The following MIA3 variants were observed in gnomAD, a reference collection of about 807,000 sequenced individuals.
MIA3 encodes the protein MIA SH3 domain ER export factor 3, also known as transport and Golgi organization protein 1 homolog.
MIA3 carries 90 observed loss-of-function variants against 192.4 expected under a neutral mutation model. The ratio of observed to expected loss-of-function variants is 0.47; its 90% CI spans 0.39 to 0.56. The LOEUF (loss-of-function observed/expected upper bound fraction) is 0.56. MIA3 is among the 20% of genes least tolerant of loss of function. The pLI is 0.00. For synonymous variants in MIA3, 740 were observed against 792.8 expected (o/e 0.93, Z 1.12); for missense variants, 2,123 against 2,269.4 (o/e 0.94, Z 1.31).
intron 19 of MIA3, 123 bp from the exon 20 acceptor site, chr1:222,659,330 T>C: frequency 1.7e-5 from 13 of 782,346 alleles, no homozygotes; most frequent in South Asian, 1.4e-4. Context: ...ATGTAAAATA[T>C]GCTTTATATT....
At chr1:222,639,097 T>C (rs1407236402) in intron 6 of MIA3, among the ~76,000 whole-genome samples, 1 of 152,170 alleles carries the variant, frequency 6.6e-6, no homozygotes, top group Non-Finnish European at 1.5e-5. Context: ...TCTTCAGATG[T>C]TAATTATAAT....
intron 7 of MIA3, chr1:222,647,925 A>G (rs1237963041): frequency 2.6e-6 from 1 of 385,232 alleles, no homozygotes; most frequent in Admixed American, 2.7e-5. Context: ...CAGTATATTA[A>G]TTATTGTATA....
chr1:222,632,794 A>T (rs1662458885), intron 5 of MIA3, among the ~76,000 whole-genome samples: 1 of 152,178 alleles, frequency 6.6e-6, no homozygotes, highest in Non-Finnish European at 1.5e-5. Context: ...ATACAATGCA[A>T]TGCAGTTCTT....
chr1:222,663,925 GT>G, intron 26 of MIA3, 72 bp from the exon 27 acceptor site: 1 of 1,421,510 alleles, frequency 7.0e-7, no homozygotes, highest in Non-Finnish European at 9.6e-7. Context: ...TTGGGTTTTA[GT>G]TTTTACTGGT....
chr1:222,662,569 T>TG, intron 26 of MIA3: 1 of 1,084,868 alleles, frequency 9.2e-7, no homozygotes, highest in Admixed American at 3.3e-5. Flanking sequence ...GGCTATAAGT[T>TG]GCATGGCAAT....
At chr1:222,644,607 G>C (rs1571887116) in intron 6 of MIA3, 3 of 1,550,388 alleles carry the variant, frequency 1.9e-6, no homozygotes, top group Non-Finnish European at 2.6e-6. Context: ...CGATTCCCGG[G>C]GAGGGACCCA....
chr1:222,648,923 A>T (rs1663280125), intron 8 of MIA3, 73 bp downstream of exon 8: 2 of 948,360 alleles, frequency 2.1e-6, no homozygotes, highest in Non-Finnish European at 3.2e-6. Context: ...TTTATATATA[A>T]GTAGTTTTAG....
In MIA3 at chr1:222,666,104, G is replaced by GTTCT. The variant is rs1164591338; in HGVS notation, c.*488_*491dup. 6.6e-6 allele frequency: 1 copy of GTTCT among 152,244 alleles called. No homozygotes were observed. Among genetic ancestry groups the GTTCT allele is most frequent in the East Asian group, 1.9e-4 (1 of 5,194 alleles). 9.4% of individuals were successfully genotyped at this position (152,244 alleles called of 1,614,324 possible). On this transcript the variant is annotated 3_prime_UTR_variant, in exon 28 of 28. Coordinates refer to ENST00000344922, the MANE Select transcript of MIA3 (RefSeq NM_198551.4). ...CTAAACTATCTCCCCTCTTGCTGAA[G>GTTCT]TTCTTTGTAGTAATAGCTCATAAAA...
chr1:222,644,560 G>A (rs1296109160), intron 6 of MIA3: 2 of 1,550,594 alleles, frequency 1.3e-6, no homozygotes, highest in Non-Finnish European at 1.7e-6. Flanking sequence ...TGTGCTCTAC[G>A]CAGCCTTCAT....
At chr1:222,643,302 C>G (rs1662945160) in intron 6 of MIA3, among the ~76,000 whole-genome samples, 1 of 152,188 alleles carries the variant, frequency 6.6e-6, no homozygotes, top group Non-Finnish European at 1.5e-5. Flanking sequence ...TGTTAACCAG[C>G]TGCCTTGCTG....
In MIA3 at chr1:222,659,755, A is replaced by G. The variant is rs1663915122; in HGVS notation, c.4828A>G (p.Arg1610Gly). Residue 1610 changes from arginine to glycine, a missense_variant, in exon 22 of 28, where the codon AGA becomes GGA. Arg to Gly is a moderately radical substitution (Grantham distance 125). Transcript: ENST00000344922. ...ATAGCTCAAAGCTCGTGCTGCAGAA[A>G]GAGCTATAGCTGAAGAGAAAAGGGA... The part of the protein sequence containing the change: ...ENWLKARAAE[R>G]AIAEEKREAA... 1 of 1,614,034 alleles carries G rather than the reference A, an allele frequency of 6.2e-7. No homozygotes were observed. Among genetic ancestry groups the G allele is most frequent in the Admixed American group, 1.7e-5 (1 of 60,004 alleles).
At chr1:222,664,915 G>T in intron 27 of MIA3, 1 of 464,946 alleles carries the variant, frequency 2.2e-6, no homozygotes, top group Non-Finnish European at 4.4e-6. Flanking sequence ...AGTGGCTCAC[G>T]CCTGTAATCC....
At chr1:222,653,719 C>T (rs1018029596) in intron 15 of MIA3, among the ~76,000 whole-genome samples, 5 of 152,118 alleles carry the variant, frequency 3.3e-5, no homozygotes, top group African/African-American at 1.2e-4. Context: ...TTTAAGAGTA[C>T]TGAGGTGGTT....
chr1:222,665,328 A>G lies in MIA3; in HGVS notation c.5433A>G (p.Pro1811=). Residue 1811 remains proline, a synonymous_variant, in exon 28 of 28, where the codon CCA becomes CCG. Coordinates refer to ENST00000344922, the MANE Select transcript of MIA3 (RefSeq NM_198551.4). ...TTCCAGGCCCTGGTATGCGTCCACC[A>G]CTAGGCTTAAGAGAATTTGCACCAG... The part of the protein sequence containing the change: ...PPPFGPGMRP[P]LGLREFAPGV... 6.2e-7 allele frequency: 1 copy of G among 1,612,678 alleles called. No individual in the cohort carries two copies. The highest frequency in any genetic ancestry group is 2.2e-5 in the East Asian group (1 of 44,856).
rs188335295 is a variant in MIA3 at position 222,656,901 on chromosome 1, T to A, written c.4608-1821T>A. The stretch of plus-strand genomic sequence containing the variant: ...TTCACTTTTATAGTTTCTAATCCTC[T>A]GCTGAAATGTGTAATCTTGACTTGT... On this transcript the variant is annotated intron_variant, in intron 18 of 27. Coordinates refer to ENST00000344922, the MANE Select transcript of MIA3 (RefSeq NM_198551.4). Among the ~76,000 whole-genome samples the A allele has an allele frequency of 7.9e-5, 12 of 152,362 alleles. No individual in the cohort carries two copies. In the East Asian group the frequency reaches 1.5e-3, roughly 20 times the overall value.
At chr1:222,626,851 C>T (rs1662142878) in intron 3 of MIA3, among the ~76,000 whole-genome samples, 1 of 152,174 alleles carries the variant, frequency 6.6e-6, no homozygotes. Context: ...AGACTGAGAG[C>T]CTGACAGCCA....
Position 222,630,264 on chromosome 1 carries a change from C to G in MIA3, c.3044C>G (p.Ala1015Gly), listed in dbSNP as rs771794741. Reference sequence around the variant, plus strand: ...AACGAAAATAACATATTTGAAGAGGCTGCAGTGCTTGATGACATTCAAGAC... The same window carrying G: ...AACGAAAATAACATATTTGAAGAGGGTGCAGTGCTTGATGACATTCAAGAC... ...GMNENNIFEE[A>G]AVLDDIQDLI... is the part of the protein sequence containing the mutation. Residue 1015 changes from alanine to glycine, a missense_variant, in exon 4 of 28, where the codon GCT becomes GGT. Transcript: ENST00000344922. 2.5e-6 allele frequency: 4 copies of G among 1,614,100 alleles called. No homozygotes were observed. Among genetic ancestry groups the G allele is most frequent in the Admixed American group, 1.7e-5 (1 of 60,014 alleles).
chr1:222,624,925 A>G, intron 3 of MIA3, 71 bp downstream of exon 3: 1 of 728,568 alleles, frequency 1.4e-6, no homozygotes, highest in Non-Finnish European at 2.4e-6. Context: ...AAAAAAAGAA[A>G]AATTTCAAAA....
At chr1:222,622,595 A>T (rs1661922093) in intron 2 of MIA3, among the ~76,000 whole-genome samples, 1 of 152,238 alleles carries the variant, frequency 6.6e-6, no homozygotes. Flanking sequence ...TTTAGAGAGC[A>T]TCCCAAGTGA....
Sources: gnomAD v4.1 joint callset for allele counts (sites outside exome capture counted in the v4.1 genomes callset) on GRCh38, gnomAD v4.1.1 for gene constraint, MANE v1.5 for transcripts, NCBI Gene and HGNC (gene_info 2026-07-23, HGNC 2026-07-21) for gene names.